MAD2L2: variants seen among roughly 807,000 people sequenced by gnomAD.
MAD2L2 encodes the protein mitotic spindle assembly checkpoint protein MAD2B.
In MAD2L2, 17 loss-of-function variants were observed where a neutral mutation model predicts 30.5. The observed-to-expected ratio is 0.56, with a 90% CI of 0.38 to 0.84. The LOEUF is 0.84. Among genes scored for constraint, MAD2L2 ranks in the 40% least tolerant of loss-of-function variants. The pLI, the probability that MAD2L2 is intolerant of heterozygous loss-of-function variation, is 0.00. For missense variants in MAD2L2, 213 were observed against 277.4 expected (o/e 0.77, Z 1.65); for synonymous variants, 101 against 113.9 (o/e 0.89, Z 0.72).
upstream of MAD2L2, among the ~76,000 whole-genome samples, chr1:11,683,933 T>C (rs546968783): frequency 8.5e-5 from 13 of 152,224 alleles, no homozygotes; most frequent in African/African-American, 3.1e-4. Context: ...ATCGCACCAT[T>C]GCACTCCAGC....
In MAD2L2 at chr1:11,677,309, C is replaced by G. The variant is rs905609923; in HGVS notation, c.231+234G>C. 3 of 598,938 alleles carry G rather than the reference C, an allele frequency of 5.0e-6. No individual in the cohort carries two copies. In the East Asian group the frequency reaches 8.3e-5, roughly 17 times the overall value. 37.1% of individuals were successfully genotyped at this position (598,938 alleles called of 1,614,324 possible). On this transcript the variant is annotated intron_variant, in intron 4 of 8. Coordinates refer to ENST00000376692, the MANE Select transcript of MAD2L2 (RefSeq NM_006341.4). ...CCTCTGGGGCAGCCCCTACTTAGAG[C>G]CAGCTCCAACCCGGGCTCCCAGGCC...
chr1:11,679,973 G>A (rs1024855625), intron 3 of MAD2L2, among the ~76,000 whole-genome samples: 2 of 146,802 alleles, frequency 1.4e-5, no homozygotes, highest in South Asian at 2.2e-4. Context: ...GGCTTGGCCC[G>A]AAGTGGAAGA....
rs1231915707 is a variant in MAD2L2, at chr1:11,675,064, G to A, written c.594+18C>T. On this transcript the variant is annotated intron_variant, in intron 8 of 8. Transcript: ENST00000376692. ...AGCAGCCCCTAAATAAAGCTTCCCG[G>A]GTCCCCACGAAGCTCACCTTTAAAA... is the stretch of plus-strand genomic sequence containing the variant. 3 of 1,561,318 alleles carry A rather than the reference G, an allele frequency of 1.9e-6. No individual in the cohort carries two copies. Among genetic ancestry groups the A allele is most frequent in the Non-Finnish European group, 2.6e-6 (3 of 1,149,744 alleles).
chr1:11,686,488 T>C (rs1640957735), intron 1 of MAD2L2, among the ~76,000 whole-genome samples: 1 of 152,152 alleles, frequency 6.6e-6, no homozygotes, highest in Non-Finnish European at 1.5e-5. Flanking sequence ...AGGCTGGTCT[T>C]GAACATTTGG....
intron 7 of MAD2L2, 139 bp downstream of exon 7, chr1:11,675,519 G>T: frequency 2.4e-6 from 2 of 839,398 alleles, no homozygotes; most frequent in Non-Finnish European, 4.0e-6. Context: ...CAGTGGACAG[G>T]CCTGAGGACC....
chr1:11,690,325 TCTC>T lies in MAD2L2; in HGVS notation c.-692+1085_-692+1087del, dbSNP rs1386370305. ...TTTCAGTGAATAAACAGTTCAGTGTTCTCATCAATCCATCCTGGTGCCCACCAA... is the reference window on the plus strand; with the variant it reads ...TTTCAGTGAATAAACAGTTCAGTGTTATCAATCCATCCTGGTGCCCACCAA... On this transcript the variant is annotated intron_variant, in intron 1 of 10. Transcript: ENST00000235310. The surrounding 1 kb of genome is among the most constrained non-coding windows in gnomAD (Gnocchi z 4.2). 2.6e-5 allele frequency among the ~76,000 whole-genome samples: 4 copies of T among 152,112 alleles called. No individual in the cohort carries two copies. The highest frequency in any genetic ancestry group is 9.7e-5 in the African/African-American group (4 of 41,418).
At chr1:11,677,825 C>T (rs7542916) in intron 3 of MAD2L2, among the ~76,000 whole-genome samples, 11,367 of 151,752 alleles carry the variant, frequency 0.075, 514 homozygotes, top group Middle Eastern at 0.13. Context: ...TTTGGGAGGC[C>T]GAGGCAGGTG....
In MAD2L2 at chr1:11,690,578, T is replaced by C. The variant is rs920883143; in HGVS notation, c.-692+835A>G. Among the ~76,000 whole-genome samples the C allele has an allele frequency of 7.4e-4, 113 of 152,178 alleles. No individual in the cohort carries two copies. The highest frequency in any genetic ancestry group is 1.6e-4 in the Non-Finnish European group (11 of 68,020). Reference sequence around the variant, plus strand: ...TTAGCCTGACGGCAGAACTGTGTTCTAAAACCTCAAAGTCATAATTTGCCA... The same window carrying C: ...TTAGCCTGACGGCAGAACTGTGTTCCAAAACCTCAAAGTCATAATTTGCCA... On this transcript the variant is annotated intron_variant, in intron 1 of 10. Coordinates refer to the MAD2L2 transcript ENST00000235310. The surrounding 1 kb of genome is among the most constrained non-coding windows in gnomAD (Gnocchi z 4.2).
chr1:11,674,756 T>C lies in MAD2L2; in HGVS notation c.*19A>G, dbSNP rs1446788215. 1.2e-6 allele frequency: 2 copies of C among 1,612,958 alleles called. No individual in the cohort carries two copies. The highest frequency in any genetic ancestry group is 1.7e-6 in the Non-Finnish European group (2 of 1,179,550). On this transcript the variant is annotated 3_prime_UTR_variant, in exon 9 of 9. Transcript: ENST00000376692. The surrounding 1 kb of genome is among the most constrained non-coding windows in gnomAD (Gnocchi z 6.1). ...CAAAGTCTGACAGTTTGGGCATCAG[T>C]GGGGTGGCAGGTGCCCCCTCAGCTG...
rs763423884 is a variant in MAD2L2 at position 11,675,155 on chromosome 1, G to A, written c.521C>T (p.Ala174Val). 1.2e-6 allele frequency: 2 copies of A among 1,601,510 alleles called. No homozygotes were observed. Among genetic ancestry groups the A allele is most frequent in the Non-Finnish European group, 1.7e-6 (2 of 1,172,924 alleles). Residue 174 changes from alanine to valine, a missense_variant, in exon 8 of 9, where the codon GCG (alanine) becomes GTG (valine). Ala to Val is a moderately conservative substitution (Grantham distance 64, BLOSUM62 0). Transcript: ENST00000376692. ...ATGCATGTGGACATCCTGCTCATCC[G>A]CCAGGATCCAGGGGAAATCCTAGGG... ...QVIKDFPWILADEQDVHMHDP... is the reference protein window; with the variant it reads ...QVIKDFPWILVDEQDVHMHDP...
intron 4 of MAD2L2, 79 bp from the exon 5 acceptor site, chr1:11,677,027 A>G (rs1048344460): frequency 3.4e-5 from 38 of 1,104,030 alleles, no homozygotes; most frequent in Non-Finnish European, 5.0e-5. Flanking sequence ...CCCTTGCCCA[A>G]GGAAGGAGGA....
intron 3 of MAD2L2, 51 bp from the exon 4 acceptor site, chr1:11,677,665 C>A: frequency 6.7e-7 from 1 of 1,484,844 alleles, no homozygotes; most frequent in Non-Finnish European, 9.3e-7. Context: ...GATGGGGAAA[C>A]CACCCAACAC....
intron 7 of MAD2L2, 83 bp from the exon 8 acceptor site, chr1:11,675,257 AG>A: frequency 1.1e-6 from 1 of 905,252 alleles, no homozygotes; most frequent in Non-Finnish European, 1.7e-6. Context: ...ACTCCAGACC[AG>A]GGGCCTCCAA....
At chr1:11,678,981 C>A (rs28988269) in intron 3 of MAD2L2, among the ~76,000 whole-genome samples, 1 of 152,006 alleles carries the variant, frequency 6.6e-6, no homozygotes, top group African/African-American at 2.4e-5. Context: ...CTGGCCAACA[C>A]GGCGAAACCT....
At chr1:11,677,245 C>T (rs1441619399) in intron 4 of MAD2L2, 14 of 596,356 alleles carry the variant, frequency 2.3e-5, no homozygotes, top group South Asian at 1.5e-4. Flanking sequence ...GAACGTTTAG[C>T]GTGGAGAACA....
chr1:11,677,320 C>A (rs2100708508), intron 4 of MAD2L2: 1 of 600,668 alleles, frequency 1.7e-6, no homozygotes, highest in South Asian at 2.1e-5. Flanking sequence ...CAGCTCCAAC[C>A]CGGGCTCCCA....
chr1:11,679,377 C>T (rs1465549972), intron 3 of MAD2L2, among the ~76,000 whole-genome samples: 3 of 152,120 alleles, frequency 2.0e-5, no homozygotes, highest in Non-Finnish European at 4.4e-5. Context: ...AGCTACAGTG[C>T]GATGCACACT....
intron 3 of MAD2L2, among the ~76,000 whole-genome samples, chr1:11,679,985 GTTTT>G (rs70983583): frequency 4.6e-5 from 4 of 87,624 alleles, no homozygotes; most frequent in Admixed American, 2.5e-4. Context: ...AGTGGAAGAG[GTTTT>G]TTTTTTTTTT....
chr1:11,676,904 G>T lies in MAD2L2; in HGVS notation c.276C>A (p.His92Gln). ...CAAAGACGAATTTCTCCACTGGGCG[G>T]TGCTCTTTATCCAAAATCACCACCA... ...KVVVVILDKE[H>Q]RPVEKFVFEI... The change falls in exon 5 of 9, where the codon CAC becomes CAA. Residue 92 changes from histidine (H) to glutamine (Q), a missense_variant. His to Gln is a conservative substitution (Grantham distance 24, BLOSUM62 0). Transcript: ENST00000376692. 1 of 1,614,112 alleles carries T rather than the reference G, an allele frequency of 6.2e-7. No homozygotes were observed. Among genetic ancestry groups the T allele is most frequent in the Non-Finnish European group, 8.5e-7 (1 of 1,180,018 alleles).
Sources: allele counts gnomAD v4.1 joint callset (sites outside exome capture counted in the v4.1 genomes callset), GRCh38; gene constraint gnomAD v4.1.1; non-coding constraint Gnocchi (gnomAD v3.1); transcripts MANE v1.5; gene names NCBI Gene and HGNC (gene_info 2026-07-23, HGNC 2026-07-21).